CRYBG1: variants seen among roughly 807,000 people sequenced by gnomAD.
The protein encoded by CRYBG1 is crystallin beta-gamma domain containing 1, also known as beta/gamma crystallin domain-containing protein 1.
Under a neutral mutation model 189.2 loss-of-function variants are expected in CRYBG1, and 139 were observed. That is an observed-to-expected ratio of 0.73 (90% confidence interval 0.64 to 0.85). The LOEUF (loss-of-function observed/expected upper bound fraction) is 0.85. Ranked by LOEUF, CRYBG1 falls within the 40% of genes least tolerant of loss-of-function variation. The pLI, the probability that CRYBG1 is intolerant of heterozygous loss-of-function variation, is 0.00. For missense variants in CRYBG1, 2,611 were observed against 2,675.8 expected (o/e 0.98, Z 0.53); for synonymous variants, 1,023 against 1,017.1 (o/e 1.01, Z -0.11).
rs1298701791 is a variant in CRYBG1 at position 106,517,349 on chromosome 6, C to CACAT, written c.1923-1781_1923-1780insCATA. Among the ~76,000 whole-genome samples, 20 of 83,912 alleles carry CACAT rather than the reference C, an allele frequency of 2.4e-4. No individual in the cohort carries two copies. The East Asian group carries it at 4.1e-3, about 17-fold the overall frequency. 55.0% of individuals were successfully genotyped at this position (83,912 alleles called of 152,430 possible). On this transcript the variant is annotated intron_variant, in intron 3 of 21. Coordinates refer to ENST00000633556, the MANE Select transcript of CRYBG1 (RefSeq NM_001371242.2). ...ATATACACATATATATATACACACA[C>CACAT]ATATATATATACACATATATACACA...
chr6:106,475,685 T>C (rs1017877658), intron 2 of CRYBG1, among the ~76,000 whole-genome samples: 2 of 152,206 alleles, frequency 1.3e-5, no homozygotes, highest in African/African-American at 4.8e-5. Context: ...GGCTTTATCC[T>C]GAAGAAAGTG....
At chr6:106,392,133 G>T (rs1230876804) in intron 1 of CRYBG1, among the ~76,000 whole-genome samples, 1 of 152,066 alleles carries the variant, frequency 6.6e-6, no homozygotes, top group East Asian at 1.9e-4. Context: ...TAGTCCCCGC[G>T]AATCTGTGTG....
At chr6:106,461,665 C>T (rs1482805878) in intron 2 of CRYBG1, among the ~76,000 whole-genome samples, 2 of 152,168 alleles carry the variant, frequency 1.3e-5, no homozygotes, top group African/African-American at 2.4e-5. Context: ...GCTGCAGTGA[C>T]TCACTTGGGA....
chr6:106,527,357 G>A lies in CRYBG1; in HGVS notation c.4465G>A (p.Glu1489Lys). 3 of 1,613,562 alleles carry A rather than the reference G, an allele frequency of 1.9e-6. No homozygotes were observed. The highest frequency in any genetic ancestry group is 2.5e-6 in the Non-Finnish European group (3 of 1,179,668). Residue 1489 changes from glutamate to lysine, a missense_variant, in exon 7 of 22, where the codon GAA becomes AAA. Physicochemically the swap from Glu to Lys is moderately conservative, Grantham distance 56 (BLOSUM62 1). Around this residue, in one of 3 missense-constraint regions of CRYBG1, gnomAD observed 1,622 missense variants for 1,735.0 expected, o/e 0.93. Coordinates refer to ENST00000633556, the MANE Select transcript of CRYBG1 (RefSeq NM_001371242.2). ...TGAAGGGCACTCCATCCCCTTAGAA[G>A]AAGGAGAATTGGAACTCTCTGGTCT... ...NFEGHSIPLE[E>K]GELELSGLWG...
At chr6:106,481,363 A>G (rs944610442) in intron 2 of CRYBG1, among the ~76,000 whole-genome samples, 1 of 152,188 alleles carries the variant, frequency 6.6e-6, no homozygotes, top group African/African-American at 2.4e-5. Context: ...AAATTTATAA[A>G]GAGAACAACT....
rs546278660 is a variant in CRYBG1, at chr6:106,514,687, C to G, written c.1922+1648C>G. 3.9e-5 allele frequency among the ~76,000 whole-genome samples: 6 copies of G among 152,122 alleles called. No homozygotes were observed. The East Asian group carries it at 1.2e-3, about 29-fold the overall frequency. On this transcript the variant is annotated intron_variant, in intron 3 of 21. Transcript: ENST00000633556. The stretch of plus-strand genomic sequence containing the variant: ...TCACCTGTCTTCCAATTAGAAGACA[C>G]CAGTAGAAAAACCAGAAATGTTACA...
Position 106,570,696 on chromosome 6 carries a change from G to A in CRYBG1, c.*2130G>A, listed in dbSNP as rs553690746. The A allele has an allele frequency of 6.6e-6, 1 of 152,312 alleles. No individual in the cohort carries two copies. The highest frequency in any genetic ancestry group is 6.5e-5 in the Admixed American group (1 of 15,304). The allele number at this position is 152,312 out of a possible 1,614,324, so 9.4% of individuals were successfully genotyped here. ...ACCACCTGGGAGCCCTCCAGGAAAA[G>A]AGCTGAGGCTGCTCCAGATGGAAGT... On this transcript the variant is annotated 3_prime_UTR_variant, in exon 22 of 22. Coordinates refer to ENST00000633556, the MANE Select transcript of CRYBG1 (RefSeq NM_001371242.2).
At chr6:106,514,897 T>A (rs1295945356) in intron 3 of CRYBG1, among the ~76,000 whole-genome samples, 1 of 152,250 alleles carries the variant, frequency 6.6e-6, no homozygotes, top group East Asian at 1.9e-4. Context: ...CATGGTCATT[T>A]GGCAAATTAT....
chr6:106,401,560 C>T (rs2114355245), intron 1 of CRYBG1, among the ~76,000 whole-genome samples: 1 of 107,072 alleles, frequency 9.3e-6, no homozygotes, highest in East Asian at 2.9e-4. Context: ...TCCCCCCTCC[C>T]CCGACCCCAC....
At chr6:106,452,014 A>C (rs1771790955) in intron 2 of CRYBG1, among the ~76,000 whole-genome samples, 182 bp downstream of exon 2, 1 of 148,094 alleles carries the variant, frequency 6.8e-6, no homozygotes, top group African/African-American at 2.4e-5. Context: ...TTTCTATATA[A>C]TTATATTTAA....
chr6:106,491,454 A>C (rs533975991), intron 2 of CRYBG1, among the ~76,000 whole-genome samples: 82 of 152,282 alleles, frequency 5.4e-4, no homozygotes, highest in Non-Finnish European at 9.1e-4. Context: ...TTTGAGAGTG[A>C]AACCTACATG....
At chr6:106,394,858 A>T (rs1033927850) in intron 1 of CRYBG1, among the ~76,000 whole-genome samples, 9 of 101,310 alleles carry the variant, frequency 8.9e-5, no homozygotes, top group Admixed American at 5.1e-4. Flanking sequence ...CACACAGCAG[A>T]ATTTTTTTTT....
chr6:106,401,930 G>C (rs901399637), intron 1 of CRYBG1, among the ~76,000 whole-genome samples: 2 of 152,022 alleles, frequency 1.3e-5, no homozygotes, highest in African/African-American at 2.4e-5. Context: ...CCAGTAATGG[G>C]ATGGCTGGGT....
At chr6:106,383,082 A>C (rs968844714) in intron 1 of CRYBG1, among the ~76,000 whole-genome samples, 1 of 152,212 alleles carries the variant, frequency 6.6e-6, no homozygotes, top group African/African-American at 2.4e-5. Context: ...TTTTTCCAGA[A>C]TGGAGGTAGT....
Position 106,499,150 on chromosome 6 carries a change from TTGTTTG to T in CRYBG1, c.313-12278_313-12273del, listed in dbSNP as rs1562089847. Among the ~76,000 whole-genome samples the T allele has an allele frequency of 1.5e-4, 7 of 48,024 alleles. 1 individual carries two copies. Among genetic ancestry groups the T allele is most frequent in the Non-Finnish European group, 2.6e-4 (6 of 23,414 alleles). 31.5% of individuals were successfully genotyped at this position (48,024 alleles called of 152,430 possible). On this transcript the variant is annotated intron_variant, in intron 2 of 21. Coordinates refer to ENST00000633556, the MANE Select transcript of CRYBG1 (RefSeq NM_001371242.2). ...TTTTGTTTTTTGTTTGTTTGTTTGT[TTGTTTG>T]TTTTTTGCTTTTTTGAGACGGAGTC...
chr6:106,379,261 T>G (rs893158863), intron 1 of CRYBG1, among the ~76,000 whole-genome samples: 3 of 152,110 alleles, frequency 2.0e-5, no homozygotes, highest in Non-Finnish European at 4.4e-5. Flanking sequence ...TTCCTTTCTT[T>G]TCTTTTCTTT....
At chr6:106,468,694 A>G (rs1772162235) in intron 2 of CRYBG1, among the ~76,000 whole-genome samples, 1 of 152,208 alleles carries the variant, frequency 6.6e-6, no homozygotes, top group African/African-American at 2.4e-5. Flanking sequence ...TGTCTCAAAA[A>G]ATCATAATAA....
intron 14 of CRYBG1, 92 bp downstream of exon 14, chr6:106,552,070 GA>G (rs1398891607): frequency 1.4e-6 from 2 of 1,453,688 alleles, no homozygotes; most frequent in African/African-American, 2.9e-5. Flanking sequence ...AATTGCTATG[GA>G]AAATATTCTG....
intron 1 of CRYBG1, among the ~76,000 whole-genome samples, chr6:106,416,884 C>T (rs1771030921): frequency 6.6e-6 from 1 of 151,128 alleles, no homozygotes. Context: ...AATATGTTAT[C>T]TCTAGGTGTG....
Sources: allele counts gnomAD v4.1 joint callset (sites outside exome capture counted in the v4.1 genomes callset), GRCh38; gene constraint gnomAD v4.1.1; regional missense constraint gnomAD v4.1.1; transcripts MANE v1.5; gene names NCBI Gene and HGNC (gene_info 2026-07-23, HGNC 2026-07-21).